Variants in PHF20 observed in about 807,000 individuals in gnomAD.
The protein encoded by PHF20 is glioma-expressed antigen 2.
Under a neutral mutation model 113.5 loss-of-function variants are expected in PHF20, and 23 were observed. That is an observed-to-expected ratio of 0.20 (90% confidence interval 0.15 to 0.29). The LOEUF (loss-of-function observed/expected upper bound fraction) is 0.29, where lower values mean the gene tolerates loss of function less well. Among genes scored for constraint, PHF20 ranks in the 10% least tolerant of loss-of-function variants. The pLI is 1.00. For synonymous variants in PHF20, 434 were observed against 457.3 expected, an observed-to-expected ratio of 0.95 and a Z score of 0.65; for missense variants, 943 against 1,219.6, an observed-to-expected ratio of 0.77 and a Z score of 3.38.
chr20:35,891,008 G>A (rs538179472), intron 9 of PHF20, among the ~76,000 whole-genome samples: 2 of 152,320 alleles, frequency 1.3e-5, no homozygotes, highest in South Asian at 2.1e-4. Context: ...TAACAATGAG[G>A]AAACAGTCTT....
intron 4 of PHF20, among the ~76,000 whole-genome samples, chr20:35,850,214 A>G (rs1292398077): frequency 2.0e-5 from 3 of 147,114 alleles, no homozygotes; most frequent in Non-Finnish European, 4.4e-5. Context: ...ATGGGTTTCT[A>G]CTTTCAGGGA....
intron 1 of PHF20, among the ~76,000 whole-genome samples, chr20:35,786,207 T>G (rs2041410324): frequency 6.7e-6 from 1 of 150,306 alleles, no homozygotes; most frequent in Admixed American, 6.7e-5. Flanking sequence ...GTCAACATGG[T>G]AAAACCCCGT....
At chr20:35,864,504 C>T (rs926470286) in intron 6 of PHF20, among the ~76,000 whole-genome samples, 3 of 151,844 alleles carry the variant, frequency 2.0e-5, no homozygotes, top group Non-Finnish European at 4.4e-5. Context: ...TCATTATTCC[C>T]TAACGATGTA....
intron 1 of PHF20, among the ~76,000 whole-genome samples, chr20:35,799,024 A>G (rs17345380): frequency 0.039 from 5,992 of 152,228 alleles, 222 homozygotes; most frequent in South Asian, 0.2. Context: ...ATGTGCTGCT[A>G]TTAAACATTA....
chr20:35,920,619 G>A (rs994846570), intron 13 of PHF20, among the ~76,000 whole-genome samples: 16 of 152,168 alleles, frequency 1.1e-4, no homozygotes, highest in African/African-American at 3.9e-4. Flanking sequence ...CCTTAGCTAC[G>A]GGGATTTACA....
chr20:35,877,098 C>T (rs1394125473), intron 9 of PHF20, among the ~76,000 whole-genome samples: 2 of 109,332 alleles, frequency 1.8e-5, no homozygotes, highest in African/African-American at 7.5e-5. Flanking sequence ...CAGAGTGAGA[C>T]TCTGTCTCAA....
chr20:35,804,641 G>A (rs986014804), intron 2 of PHF20, among the ~76,000 whole-genome samples: 90 of 152,088 alleles, frequency 5.9e-4, no homozygotes, highest in African/African-American at 2.0e-3. Context: ...CAAAGTGCTG[G>A]GATTACAGGT....
intron 2 of PHF20, among the ~76,000 whole-genome samples, chr20:35,824,428 G>T (rs2042227280): frequency 6.6e-6 from 1 of 151,850 alleles, no homozygotes; most frequent in Non-Finnish European, 1.5e-5. Flanking sequence ...CCAACATGGT[G>T]AAACCCTGTC....
intron 2 of PHF20, among the ~76,000 whole-genome samples, chr20:35,839,190 A>G (rs2042496858): frequency 6.6e-6 from 1 of 151,862 alleles, no homozygotes; most frequent in African/African-American, 2.4e-5. Flanking sequence ...GGAGATCGAG[A>G]CCATCCTGGC....
chr20:35,932,795 T>C (rs1216453078), intron 15 of PHF20, among the ~76,000 whole-genome samples: 1 of 152,172 alleles, frequency 6.6e-6, no homozygotes, highest in Non-Finnish European at 1.5e-5. Context: ...TTACAACCAG[T>C]CTCTAAAACC....
At chr20:35,783,689 G>A (rs961049034) in intron 1 of PHF20, among the ~76,000 whole-genome samples, 1 of 151,428 alleles carries the variant, frequency 6.6e-6, no homozygotes, top group Non-Finnish European at 1.5e-5. Flanking sequence ...GCCTTCCAAA[G>A]TACTGGGATT....
chr20:35,842,510 A>ATGGATATT (rs1600812613), intron 2 of PHF20, 63 bp from the exon 3 acceptor site: 1 of 1,406,410 alleles, frequency 7.1e-7, no homozygotes, highest in Non-Finnish European at 9.8e-7. Context: ...ATGTACCATT[A>ATGGATATT]TGGATATTTG....
chr20:35,851,296 C>T (rs1364461687), intron 4 of PHF20, among the ~76,000 whole-genome samples: 1 of 152,110 alleles, frequency 6.6e-6, no homozygotes, highest in Admixed American at 6.6e-5. Flanking sequence ...GGTCATGTCC[C>T]CTACCTACCC....
At position 35,913,348 on chromosome 20, in the gene PHF20, G is replaced by T; in HGVS notation, c.1660+1G>T. Reference sequence around the variant, plus strand: ...AAAAAGAAAAAGAAAACCAAACCTGGTAATTTTTTTTCCTGAGGGTTTCAC... The same window carrying T: ...AAAAAGAAAAAGAAAACCAAACCTGTTAATTTTTTTTCCTGAGGGTTTCAC... On this transcript the variant is annotated splice_donor_variant, in intron 11 of 17. Coordinates refer to ENST00000374012, the MANE Select transcript of PHF20 (RefSeq NM_016436.5). LOFTEE classifies it high-confidence loss of function. 1 of 1,588,900 alleles carries T rather than the reference G, an allele frequency of 6.3e-7. No individual in the cohort carries two copies. Among genetic ancestry groups the T allele is most frequent in the Non-Finnish European group, 8.6e-7 (1 of 1,167,082 alleles).
At chr20:35,836,627 G>A (rs950227568) in intron 2 of PHF20, among the ~76,000 whole-genome samples, 2 of 151,412 alleles carry the variant, frequency 1.3e-5, no homozygotes, top group Non-Finnish European at 2.9e-5. Context: ...GGCGGATCAC[G>A]AGGTCAGGAG....
At position 35,875,551 on chromosome 20, in the gene PHF20, A is replaced by G. The variant is rs560396150; in HGVS notation, c.1282+3722A>G. 1.9e-3 allele frequency among the ~76,000 whole-genome samples: 285 copies of G among 151,376 alleles called. 1 individual carries two copies. Among genetic ancestry groups the G allele is most frequent in the African/African-American group, 6.7e-3 (275 of 41,246 alleles). ...GGCAAGGGATCTTCCTTTTTTTGCT[A>G]CTCCTCCTCTTAGTGTCAGGGCTCT... On this transcript the variant is annotated intron_variant, in intron 9 of 17. Transcript: ENST00000374012.
At chr20:35,915,176 C>T (rs1260208423) in intron 12 of PHF20, among the ~76,000 whole-genome samples, 1 of 150,086 alleles carries the variant, frequency 6.7e-6, no homozygotes, top group East Asian at 1.9e-4. Context: ...CATTGAAAAG[C>T]CTTCTCACTT....
At chr20:35,934,963 G>A (rs938726788) in intron 15 of PHF20, among the ~76,000 whole-genome samples, 1 of 152,254 alleles carries the variant, frequency 6.6e-6, no homozygotes. Context: ...GGTGGTCCAC[G>A]TGAGTGCCTG....
intron 1 of PHF20, among the ~76,000 whole-genome samples, chr20:35,800,493 G>T (rs1192270697): frequency 6.6e-6 from 1 of 152,136 alleles, no homozygotes; most frequent in Non-Finnish European, 1.5e-5. Context: ...AAACAATTCT[G>T]GGCGCAGTGG....
Sources: gnomAD v4.1 joint callset for allele counts (sites outside exome capture counted in the v4.1 genomes callset) on GRCh38, gnomAD v4.1.1 for gene constraint, MANE v1.5 for transcripts, NCBI Gene and HGNC (gene_info 2026-07-23, HGNC 2026-07-21) for gene names.